Variants in PCDH15 observed in about 807,000 individuals in gnomAD.
PCDH15 encodes the protein protocadherin-15.
A neutral mutation model predicts 178.5 loss-of-function variants in PCDH15; 129 were observed. That is an observed-to-expected ratio of 0.72 (90% CI 0.63 to 0.84). The LOEUF (loss-of-function observed/expected upper bound fraction) is 0.84, where lower values mean the gene tolerates loss of function less well. Ranked by LOEUF, PCDH15 falls within the 40% of genes least tolerant of loss-of-function variation. The pLI is 0.00. For synonymous variants in PCDH15, 800 were observed against 732.0 expected, an observed-to-expected ratio of 1.09 and a Z score of -1.50; for missense variants, 2,230 against 2,099.9, an observed-to-expected ratio of 1.06 and a Z score of -1.21.
At chr10:55,382,709 T>A (rs1028316111) in intron 2 of PCDH15, among the ~76,000 whole-genome samples, 1 of 152,182 alleles carries the variant, frequency 6.6e-6, no homozygotes, top group Non-Finnish European at 1.5e-5. Flanking sequence ...CCTGTGGCCA[T>A]GAGTCTACTG....
At chr10:54,741,346 AT>A (rs1944784800) in intron 1 of PCDH15, among the ~76,000 whole-genome samples, 1 of 151,824 alleles carries the variant, frequency 6.6e-6, no homozygotes, top group South Asian at 2.1e-4. Flanking sequence ...TCCAAGTATT[AT>A]GTTGTGTATT....
At chr10:53,970,477 CA>C (rs1170536679) in intron 21 of PCDH15, among the ~76,000 whole-genome samples, 4 of 149,428 alleles carry the variant, frequency 2.7e-5, no homozygotes, top group African/African-American at 9.7e-5. Context: ...AAAACTCTTC[CA>C]AAAAATCAAT....
At chr10:55,111,722 A>G (rs1837510440) in intron 2 of PCDH15, among the ~76,000 whole-genome samples, 1 of 152,094 alleles carries the variant, frequency 6.6e-6, no homozygotes, top group African/African-American at 2.4e-5. Context: ...GCATGCCTGT[A>G]ATCCCAGCTA....
At chr10:53,995,876 C>T in intron 20 of PCDH15, 111 bp from the exon 21 acceptor site, 1 of 939,410 alleles carries the variant, frequency 1.1e-6, no homozygotes, top group African/African-American at 1.6e-5. Flanking sequence ...CACTGTCAGC[C>T]TTCCATCCTC....
At chr10:54,443,320 C>T (rs1294481178) in intron 3 of PCDH15, among the ~76,000 whole-genome samples, 3 of 151,416 alleles carry the variant, frequency 2.0e-5, no homozygotes, top group Non-Finnish European at 3.0e-5. Context: ...TTCTTCAACT[C>T]TAAGATGAGT....
At chr10:53,854,196 G>A (rs1422332490) in intron 28 of PCDH15, among the ~76,000 whole-genome samples, 2 of 151,924 alleles carry the variant, frequency 1.3e-5, no homozygotes, top group Non-Finnish European at 2.9e-5. Flanking sequence ...CTTTTATGAT[G>A]TATTTAAAGT....
chr10:55,299,560 C>T (rs1370300697), intron 1 of PCDH15, among the ~76,000 whole-genome samples: 1 of 152,106 alleles, frequency 6.6e-6, no homozygotes, highest in African/African-American at 2.4e-5. Flanking sequence ...TTCTAATTCG[C>T]CAAGCTTTGG....
chr10:54,406,205 G>A (rs1447213104), intron 3 of PCDH15, among the ~76,000 whole-genome samples: 2 of 151,888 alleles, frequency 1.3e-5, no homozygotes, highest in Admixed American at 6.6e-5. Flanking sequence ...TTCAGTATTC[G>A]TGAGCTATGC....
chr10:54,998,055 T>C (rs909055272), intron 2 of PCDH15, among the ~76,000 whole-genome samples: 1 of 152,138 alleles, frequency 6.6e-6, no homozygotes, highest in Non-Finnish European at 1.5e-5. Flanking sequence ...ATAAGAATTC[T>C]AGCTAATATA....
intron 14 of PCDH15, among the ~76,000 whole-genome samples, chr10:54,150,749 A>AT (rs1455890007): frequency 6.6e-6 from 1 of 151,986 alleles, no homozygotes; most frequent in Non-Finnish European, 1.5e-5. Context: ...GTTATTAATT[A>AT]TTTTGGGGGA....
chr10:53,878,269 G>T (rs2080400731), intron 26 of PCDH15, among the ~76,000 whole-genome samples: 1 of 124,364 alleles, frequency 8.0e-6, no homozygotes, highest in East Asian at 2.3e-4. Context: ...AGTAAACTAT[G>T]GCATACACAC....
At chr10:55,024,283 G>GTA (rs1479525860) in intron 2 of PCDH15, among the ~76,000 whole-genome samples, 4 of 142,794 alleles carry the variant, frequency 2.8e-5, no homozygotes, top group East Asian at 4.2e-4. Context: ...ATAGGAAGGA[G>GTA]TATATATATA....
Position 55,056,107 on chromosome 10 carries a change from C to T in PCDH15, c.-80+110469G>A, listed in dbSNP as rs79637681. On this transcript the variant is annotated intron_variant, in intron 2 of 5. Transcript: ENST00000458638. ...TTTAGTTGGCTTACCATCTAAATTC[C>T]GCATACGGGTCAAAGCATTCACTTA... Among the ~76,000 whole-genome samples the T allele has an allele frequency of 1.5e-3, 221 of 152,214 alleles. 5 individuals carry two copies. The East Asian group carries it at 0.038, about 26-fold the overall frequency.
In PCDH15 at chr10:55,580,362, T is replaced by A. The variant is rs1180488402; in HGVS notation, c.-156+47263A>T. On this transcript the variant is annotated intron_variant, in intron 2 of 5. Coordinates refer to the PCDH15 transcript ENST00000613346. ...TTCTTCATTTTTTTTATTTTTTTAT[T>A]TTTTTTTTTTTTTGAGACGAAGTCT... Among the ~76,000 whole-genome samples, 3 of 71,946 alleles carry A rather than the reference T, an allele frequency of 4.2e-5. No homozygotes were observed. The East Asian group carries it at 1.7e-3, about 40-fold the overall frequency. 47.2% of individuals were successfully genotyped at this position (71,946 alleles called of 152,430 possible).
At chr10:54,695,640 T>C (rs927478876) in intron 1 of PCDH15, among the ~76,000 whole-genome samples, 1 of 152,050 alleles carries the variant, frequency 6.6e-6, no homozygotes, top group Non-Finnish European at 1.5e-5. Flanking sequence ...AGCATCAAAG[T>C]ACAGGCTGAC....
chr10:54,375,119 C>T (rs2134901328), intron 4 of PCDH15, among the ~76,000 whole-genome samples: 1 of 152,160 alleles, frequency 6.6e-6, no homozygotes, highest in East Asian at 1.9e-4. Flanking sequence ...ACCATGTGGC[C>T]CTACTCCTTG....
chr10:53,982,177 C>T lies in PCDH15; in HGVS notation c.2868+13472G>A, dbSNP rs1230983016. The stretch of plus-strand genomic sequence containing the variant: ...TTAAAAAGTCAGGAAACAACAGGTG[C>T]TGGAAAGGATGTGGAGAAATAGGAA... On this transcript the variant is annotated intron_variant, in intron 21 of 37. Transcript: ENST00000644397. 5.9e-5 allele frequency among the ~76,000 whole-genome samples: 9 copies of T among 152,172 alleles called. No individual in the cohort carries two copies. In the East Asian group the frequency reaches 1.2e-3, roughly 20 times the overall value.
At chr10:54,352,145 A>G (rs1238954398) in intron 5 of PCDH15, among the ~76,000 whole-genome samples, 1 of 152,174 alleles carries the variant, frequency 6.6e-6, no homozygotes, top group Non-Finnish European at 1.5e-5. Flanking sequence ...AGAAACAAAA[A>G]GTTTAGTAAA....
chr10:54,920,468 CAAAA>C (rs71014429), intron 2 of PCDH15, among the ~76,000 whole-genome samples: 93 of 57,800 alleles, frequency 1.6e-3, no homozygotes, highest in African/African-American at 5.7e-3. Context: ...GACTGTGTCT[CAAAA>C]AAAAAAAAAA....
Sources: gnomAD v4.1 joint callset for allele counts (sites outside exome capture counted in the v4.1 genomes callset) on GRCh38, gnomAD v4.1.1 for gene constraint, MANE v1.5 for transcripts, NCBI Gene and HGNC (gene_info 2026-07-23, HGNC 2026-07-21) for gene names.